AKAP12: variants seen among roughly 807,000 people sequenced by gnomAD.
AKAP12 encodes the protein A-kinase anchoring protein 12.
In AKAP12, 32 loss-of-function variants were observed where a neutral mutation model predicts 79.9. The observed-to-expected ratio is 0.40, with a 90% confidence interval of 0.30 to 0.54. AKAP12 has a LOEUF of 0.54. Among genes scored for constraint, AKAP12 ranks in the 20% least tolerant of loss-of-function variants. AKAP12 has a pLI of 0.48. For synonymous variants in AKAP12, 808 were observed against 857.0 expected (o/e 0.94, Z 1.00); for missense variants, 2,074 against 2,177.0 (o/e 0.95, Z 0.94).
chr6:151,261,746 T>C (rs1027728397), intron 2 of AKAP12, among the ~76,000 whole-genome samples: 4 of 51,296 alleles, frequency 7.8e-5, no homozygotes, highest in Non-Finnish European at 1.4e-4. Context: ...TATTTATTTA[T>C]TTATTTATTT....
chr6:151,298,757 C>T (rs1305123132), intron 2 of AKAP12: 1 of 150,828 alleles, frequency 6.6e-6, no homozygotes, highest in East Asian at 1.9e-4. Context: ...GATGGCACCA[C>T]TATGCTGCAG....
At chr6:151,324,022 G>C (rs1777463062) in intron 3 of AKAP12, 1 of 985,444 alleles carries the variant, frequency 1.0e-6, no homozygotes, top group African/African-American at 1.7e-5. Flanking sequence ...ACACTCTGGG[G>C]CTGGGATTGG....
intron 3 of AKAP12, chr6:151,323,604 AAAAAG>A (rs1777454559): frequency 1.5e-6 from 1 of 686,718 alleles, no homozygotes; most frequent in African/African-American, 2.0e-5. Context: ...TGAATGTCAT[AAAAAG>A]AAATGTTTCA....
At chr6:151,302,609 T>C (rs898346072) in intron 2 of AKAP12, among the ~76,000 whole-genome samples, 1 of 151,736 alleles carries the variant, frequency 6.6e-6, no homozygotes, top group Non-Finnish European at 1.5e-5. Context: ...TTTAGGTACT[T>C]GGTAGAACCC....
At chr6:151,336,723 A>T (rs1777823052) in intron 3 of AKAP12, among the ~76,000 whole-genome samples, 1 of 152,226 alleles carries the variant, frequency 6.6e-6, no homozygotes. Flanking sequence ...AGCCTGGGCG[A>T]CAGAGCGAGA....
chr6:151,286,445 C>T (rs1013448577), intron 2 of AKAP12, among the ~76,000 whole-genome samples: 4 of 152,206 alleles, frequency 2.6e-5, no homozygotes, highest in Non-Finnish European at 2.9e-5. Context: ...GAAGCCCACA[C>T]GACTTCATGA....
At chr6:151,319,336 T>C (rs545660280) in intron 3 of AKAP12, among the ~76,000 whole-genome samples, 2 of 151,782 alleles carry the variant, frequency 1.3e-5, no homozygotes, top group South Asian at 4.2e-4. Flanking sequence ...AGCCTGCCCA[T>C]CCTGTAGATA....
intron 2 of AKAP12, among the ~76,000 whole-genome samples, chr6:151,297,706 C>T (rs1411014804): frequency 6.6e-6 from 1 of 152,046 alleles, no homozygotes; most frequent in East Asian, 1.9e-4. Context: ...AATGTGTGTC[C>T]TGGGATGTAG....
intron 2 of AKAP12, among the ~76,000 whole-genome samples, chr6:151,270,405 C>T (rs1211124679): frequency 1.3e-5 from 2 of 152,298 alleles, no homozygotes; most frequent in African/African-American, 2.4e-5. Context: ...ATATATCCTA[C>T]GTTTTATTTA....
intron 3 of AKAP12, 83 bp from the exon 4 acceptor site, chr6:151,348,628 G>A (rs1778176098): frequency 9.8e-7 from 1 of 1,021,896 alleles, no homozygotes. Flanking sequence ...AAGAGAGTGA[G>A]GCCCTGTCGG....
chr6:151,271,395 C>T (rs1046461007), intron 2 of AKAP12, among the ~76,000 whole-genome samples: 15 of 150,698 alleles, frequency 1.0e-4, no homozygotes, highest in African/African-American at 3.7e-4. Flanking sequence ...GATCTCAGCT[C>T]ACTGCAGCCT....
chr6:151,270,082 G>A (rs1219123686), intron 2 of AKAP12, among the ~76,000 whole-genome samples: 1 of 152,168 alleles, frequency 6.6e-6, no homozygotes, highest in Non-Finnish European at 1.5e-5. Flanking sequence ...GTTTGAGACA[G>A]TCTCGCTCTT....
intron 2 of AKAP12, among the ~76,000 whole-genome samples, chr6:151,303,547 G>A (rs1359440297): frequency 6.6e-6 from 1 of 152,214 alleles, no homozygotes; most frequent in Admixed American, 6.5e-5. Context: ...CTTCTGGATT[G>A]CGTGTCTTGA....
In AKAP12 at chr6:151,353,143, A is replaced by C; in HGVS notation, c.4752A>C (p.Lys1584Asn). The C allele has an allele frequency of 6.2e-7, 1 of 1,614,230 alleles. No homozygotes were observed. Among genetic ancestry groups the C allele is most frequent in the Non-Finnish European group, 8.5e-7 (1 of 1,180,044 alleles). Reference protein sequence around the residue: ...SELQTQAHVIKADSQDAGQET... With the variant: ...SELQTQAHVINADSQDAGQET... Reference sequence around the variant, plus strand: ...TACAGACACAAGCTCACGTGATAAAAGCTGACAGCCAGGACGCTGGACAGG... The same window carrying C: ...TACAGACACAAGCTCACGTGATAAACGCTGACAGCCAGGACGCTGGACAGG... Residue 1584 changes from lysine to asparagine, a missense_variant, in exon 4 of 5, where the codon AAA becomes AAC. This residue lies in a region of AKAP12 where 614 missense variants were observed against 665.6 expected (regional missense o/e 0.92). Transcript: ENST00000402676.
chr6:151,306,340 A>G (rs1776977532), intron 3 of AKAP12, among the ~76,000 whole-genome samples: 1 of 152,188 alleles, frequency 6.6e-6, no homozygotes, highest in South Asian at 2.1e-4. Context: ...TCTTGAGCCT[A>G]GAGATCTTCG....
chr6:151,254,658 T>A (rs1797255820), intron 2 of AKAP12, among the ~76,000 whole-genome samples: 1 of 152,192 alleles, frequency 6.6e-6, no homozygotes, highest in African/African-American at 2.4e-5. Flanking sequence ...AGTCTTCATT[T>A]TGTTGATAAT....
rs762213000 is a variant in AKAP12, at chr6:151,353,374, C to T, written c.4983C>T (p.Leu1661=). Residue 1661 remains leucine, a synonymous_variant, in exon 4 of 5, where the codon CTC becomes CTT. Coordinates refer to ENST00000402676, the MANE Select transcript of AKAP12 (RefSeq NM_005100.4). ...VNDQQLEEVV[L]PSEEEGGGAG... is the part of the protein sequence containing the mutation. The stretch of plus-strand genomic sequence containing the variant: ...ATCAGCAGCTGGAAGAGGTCGTCCT[C>T]CCATCTGAGGAAGAGGGAGGTGGAG... The T allele has an allele frequency of 7.4e-6, 12 of 1,614,020 alleles. 1 individual carries two copies. In the South Asian group the frequency reaches 1.3e-4, roughly 18 times the overall value.
chr6:151,332,022 G>C, intron 3 of AKAP12, among the ~76,000 whole-genome samples: 1 of 114,630 alleles, frequency 8.7e-6, no homozygotes. Flanking sequence ...AGCACGTCCA[G>C]TTCTGGGTCT....
At chr6:151,326,617 C>T (rs1391675260) in intron 3 of AKAP12, among the ~76,000 whole-genome samples, 2 of 151,898 alleles carry the variant, frequency 1.3e-5, no homozygotes, top group Non-Finnish European at 2.9e-5. Flanking sequence ...ACGCATCAAA[C>T]TTTTAGAATG....
Sources: gnomAD v4.1 joint callset for allele counts (sites outside exome capture counted in the v4.1 genomes callset) on GRCh38, gnomAD v4.1.1 for gene constraint, gnomAD v4.1.1 regional missense constraint, MANE v1.5 for transcripts, NCBI Gene and HGNC (gene_info 2026-07-23, HGNC 2026-07-21) for gene names.